Variants in GEMIN6 observed in about 807,000 individuals in gnomAD.
GEMIN6 encodes the protein gem nuclear organelle associated protein 6.
In GEMIN6, 13 loss-of-function variants were observed where a neutral mutation model predicts 14.1. That is an observed-to-expected ratio of 0.92 (90% confidence interval 0.60 to 1.46). The LOEUF (loss-of-function observed/expected upper bound fraction) is 1.46. Among genes scored for constraint, GEMIN6 ranks in the 40% most tolerant of loss-of-function variants. GEMIN6 has a pLI of 0.00. For missense variants in GEMIN6, 271 were observed against 202.4 expected, an observed-to-expected ratio of 1.34 and a Z score of -2.06; for synonymous variants, 87 against 70.0, an observed-to-expected ratio of 1.24 and a Z score of -1.21.
chr2:38,779,598 G>C (rs1669028287), intron 2 of GEMIN6, among the ~76,000 whole-genome samples: 1 of 127,926 alleles, frequency 7.8e-6, no homozygotes, highest in African/African-American at 3.0e-5. Context: ...TATCAGACCA[G>C]GCAACTTCAT....
rs772095779 is a variant in GEMIN6, at chr2:38,781,750, G to A, written c.362G>A (p.Gly121Glu). ...AACCACATCCCCATCACTGAACAGGGAGACGCTCCAAGGACTCTCTGTGTG... is the reference window on the plus strand; with the variant it reads ...AACCACATCCCCATCACTGAACAGGAAGACGCTCCAAGGACTCTCTGTGTG... ...EKNHIPITEQ[G>E]DAPRTLCVAG... The change falls in exon 3 of 3, where the codon GGA (glycine) becomes GAA (glutamate). Residue 121 changes from glycine to glutamate, a missense_variant. Coordinates refer to ENST00000281950, the MANE Select transcript of GEMIN6 (RefSeq NM_024775.10). 1 of 1,614,032 alleles carries A rather than the reference G, an allele frequency of 6.2e-7. No individual in the cohort carries two copies. The highest frequency in any genetic ancestry group is 1.3e-5 in the African/African-American group (1 of 74,912).
chr2:38,781,987 A>T lies in GEMIN6; in HGVS notation c.*95A>T, dbSNP rs942027640. 8.5e-7 allele frequency: 1 copy of T among 1,174,170 alleles called. No homozygotes were observed. 72.7% of individuals were successfully genotyped at this position (1,174,170 alleles called of 1,614,324 possible). On this transcript the variant is annotated 3_prime_UTR_variant, in exon 3 of 3. Coordinates refer to ENST00000281950, the MANE Select transcript of GEMIN6 (RefSeq NM_024775.10). ...TAAATGTACATGACTGTGTGTGTGTATGTGTGTGTGTGTATAATTCTTTGT... is the reference window on the plus strand; with the variant it reads ...TAAATGTACATGACTGTGTGTGTGTTTGTGTGTGTGTGTATAATTCTTTGT...
At chr2:38,780,297 A>G (rs935661645) in intron 2 of GEMIN6, among the ~76,000 whole-genome samples, 10 of 150,812 alleles carry the variant, frequency 6.6e-5, no homozygotes, top group Non-Finnish European at 1.0e-4. Context: ...TCTAGCCTGG[A>G]TGACAGAGCA....
rs187572712 is a variant in GEMIN6, at chr2:38,779,916, C to A, written c.128+798C>A. 1.6e-3 allele frequency among the ~76,000 whole-genome samples: 235 copies of A among 150,406 alleles called. 6 individuals are homozygous for A. In the East Asian group the frequency reaches 0.038, roughly 25 times the overall value. ...CAGGCTGGTCTCAAACTCCTGACCT[C>A]AGGTGATCTGCCCACCTTGGCCTCC... is the stretch of plus-strand genomic sequence containing the variant. On this transcript the variant is annotated intron_variant, in intron 2 of 2. Coordinates refer to ENST00000281950, the MANE Select transcript of GEMIN6 (RefSeq NM_024775.10).
intron 2 of GEMIN6, 127 bp from the exon 3 acceptor site, chr2:38,781,390 A>C: frequency 1.0e-6 from 1 of 977,416 alleles, no homozygotes; most frequent in Non-Finnish European, 1.5e-6. Context: ...TCCTTAGTGA[A>C]TGTTTGTTGA....
In GEMIN6 at chr2:38,779,133, T is replaced by C. The variant is rs372135552; in HGVS notation, c.128+15T>C. 2.6e-5 allele frequency: 42 copies of C among 1,603,332 alleles called. No individual in the cohort carries two copies. In the African/African-American group the frequency reaches 5.5e-4, roughly 21 times the overall value. ...GTCTCTGCCAAGTGAGTATGCATCC[T>C]ACTTGCCTGAAATCTTGACACCCCT... On this transcript the variant is annotated intron_variant, in intron 2 of 2. Transcript: ENST00000281950.
intron 2 of GEMIN6, among the ~76,000 whole-genome samples, chr2:38,780,239 G>C (rs916762602): frequency 1.3e-5 from 2 of 151,008 alleles, no homozygotes; most frequent in Non-Finnish European, 2.9e-5. Context: ...AGAATGGCGT[G>C]AAGCTGGGAG....
At chr2:38,779,664 ATTTTTT>A (rs1166903482) in intron 2 of GEMIN6, among the ~76,000 whole-genome samples, 19 of 20,774 alleles carry the variant, frequency 9.1e-4, no homozygotes, top group East Asian at 2.2e-3. Context: ...ATATATATAT[ATTTTTT>A]TTTTTTTTTT....
chr2:38,783,788 C>T lies in GEMIN6; in HGVS notation c.*1896C>T, dbSNP rs963786791. ...TCAGCAAATATTTAGGTTTCAGGGC[C>T]TTTGAATACAGTCTGATAACACAGC... is the stretch of plus-strand genomic sequence containing the variant. On this transcript the variant is annotated 3_prime_UTR_variant, in exon 3 of 3. Transcript: ENST00000281950. 6.6e-6 allele frequency: 1 copy of T among 151,912 alleles called. No individual in the cohort carries two copies. Among genetic ancestry groups the T allele is most frequent in the Non-Finnish European group, 1.5e-5 (1 of 67,996 alleles). 9.4% of individuals were successfully genotyped at this position (151,912 alleles called of 1,614,324 possible).
rs1381844897 is a variant in GEMIN6, at chr2:38,784,320, C to G, written c.*2428C>G. 1 of 151,856 alleles carries G rather than the reference C, an allele frequency of 6.6e-6. No homozygotes were observed. Among genetic ancestry groups the G allele is most frequent in the Non-Finnish European group, 1.5e-5 (1 of 68,024 alleles). 9.4% of individuals were successfully genotyped at this position (151,856 alleles called of 1,614,324 possible). On this transcript the variant is annotated 3_prime_UTR_variant, in exon 3 of 3. Coordinates refer to ENST00000281950, the MANE Select transcript of GEMIN6 (RefSeq NM_024775.10). ...CTTTGGGAGGCCTAGGCGGGCCGATCACTTGAGGCCAGGATTTGTGACCAA... is the reference window on the plus strand; with the variant it reads ...CTTTGGGAGGCCTAGGCGGGCCGATGACTTGAGGCCAGGATTTGTGACCAA...
chr2:38,780,944 T>C (rs1280626765), intron 2 of GEMIN6, among the ~76,000 whole-genome samples: 1 of 146,098 alleles, frequency 6.8e-6, no homozygotes, highest in Non-Finnish European at 1.5e-5. Context: ...ATTGTTTTTT[T>C]AACTCTAAAA....
chr2:38,781,568 T>C lies in GEMIN6; in HGVS notation c.180T>C (p.Ile60=). Residue 60 remains isoleucine, a synonymous_variant, in exon 3 of 3, where the codon ATT becomes ATC. Coordinates refer to ENST00000281950, the MANE Select transcript of GEMIN6 (RefSeq NM_024775.10). ...LEDGSMSVTG[I]MGHAVQTVET... ...ATGGCAGCATGTCTGTGACCGGAAT[T>C]ATGGGACATGCTGTGCAGACTGTTG... The C allele has an allele frequency of 6.2e-7, 1 of 1,613,916 alleles. No individual in the cohort carries two copies. Among genetic ancestry groups the C allele is most frequent in the Non-Finnish European group, 8.5e-7 (1 of 1,179,972 alleles).
intron 2 of GEMIN6, among the ~76,000 whole-genome samples, chr2:38,781,220 G>A (rs905210211): frequency 4.0e-5 from 6 of 150,994 alleles, no homozygotes; most frequent in Non-Finnish European, 7.4e-5. Context: ...CACCCGCCTC[G>A]GCCTCCCAAA....
At position 38,782,253 on chromosome 2, in the gene GEMIN6, C is replaced by T. The variant is rs1373929122; in HGVS notation, c.*361C>T. On this transcript the variant is annotated 3_prime_UTR_variant, in exon 3 of 3. Coordinates refer to ENST00000281950, the MANE Select transcript of GEMIN6 (RefSeq NM_024775.10). ...CCGCCTCCCAGGTTCAACCGATTCC[C>T]CTGCCTCAGCCTCTCGAGTAGCTGG... 5.9e-6 allele frequency: 1 copy of T among 170,764 alleles called. No homozygotes were observed. Among genetic ancestry groups the T allele is most frequent in the Non-Finnish European group, 1.2e-5 (1 of 80,378 alleles). The allele number at this position is 170,764 out of a possible 1,614,324, so 10.6% of individuals were successfully genotyped here.
At chr2:38,779,664 AT>A (rs1166903482) in intron 2 of GEMIN6, among the ~76,000 whole-genome samples, 9 of 20,778 alleles carry the variant, frequency 4.3e-4, no homozygotes, top group African/African-American at 1.5e-3. Context: ...ATATATATAT[AT>A]TTTTTTTTTT....
Position 38,781,655 on chromosome 2 carries a change from A to C in GEMIN6, c.267A>C (p.Gly89=), listed in dbSNP as rs776177934. 18 of 1,614,108 alleles carry C rather than the reference A, an allele frequency of 1.1e-5. 2 individuals carry two copies. In the South Asian group the frequency reaches 1.5e-4, roughly 14 times the overall value. Reference sequence around the variant, plus strand: ...AGCTGATGCATTTGTTCACGTCTGGAGACTGCAAAGCATACAGCCCAGAGG... The same window carrying C: ...AGCTGATGCATTTGTTCACGTCTGGCGACTGCAAAGCATACAGCCCAGAGG... ...REKLMHLFTS[G]DCKAYSPEDL... Residue 89 remains glycine (G), a synonymous_variant, in exon 3 of 3, where the codon GGA becomes GGC. Coordinates refer to ENST00000281950, the MANE Select transcript of GEMIN6 (RefSeq NM_024775.10).
At chr2:38,779,666 T>TA (rs1240100507) in intron 2 of GEMIN6, among the ~76,000 whole-genome samples, 7 of 50,906 alleles carry the variant, frequency 1.4e-4, no homozygotes, top group African/African-American at 3.8e-4. Context: ...ATATATATAT[T>TA]TTTTTTTTTT....
Position 38,784,388 on chromosome 2 carries a change from A to G in GEMIN6, c.*2496A>G, listed in dbSNP as rs1276859274. ...AACCCTGTCTCTACTAAAAAAAAAAAAAATAGCTGGGTGTGGTGGTGAGCG... is the reference window on the plus strand; with the variant it reads ...AACCCTGTCTCTACTAAAAAAAAAAGAAATAGCTGGGTGTGGTGGTGAGCG... On this transcript the variant is annotated 3_prime_UTR_variant, in exon 3 of 3. Coordinates refer to ENST00000281950, the MANE Select transcript of GEMIN6 (RefSeq NM_024775.10). 1 of 152,164 alleles carries G rather than the reference A, an allele frequency of 6.6e-6. No individual in the cohort carries two copies. The highest frequency in any genetic ancestry group is 1.9e-4 in the East Asian group (1 of 5,200). The allele number at this position is 152,164 out of a possible 1,614,324, so 9.4% of individuals were successfully genotyped here.
At chr2:38,778,858 T>G in intron 1 of GEMIN6, 114 bp from the exon 2 acceptor site, 1 of 814,194 alleles carries the variant, frequency 1.2e-6, no homozygotes, top group Non-Finnish European at 1.9e-6. Context: ...AGTTACTTAT[T>G]ACGAACTTGA....
Sources: allele counts gnomAD v4.1 joint callset (sites outside exome capture counted in the v4.1 genomes callset), GRCh38; gene constraint gnomAD v4.1.1; transcripts MANE v1.5; gene names NCBI Gene and HGNC (gene_info 2026-07-23, HGNC 2026-07-21).